The following LRRTM3 variants were observed in gnomAD, a reference collection of about 807,000 sequenced individuals.
LRRTM3 encodes leucine rich repeat transmembrane neuronal 3.
In LRRTM3, 24 loss-of-function variants were observed where a neutral mutation model predicts 44.7. That is an observed-to-expected ratio of 0.54 (90% confidence interval 0.39 to 0.76). The LOEUF (loss-of-function observed/expected upper bound fraction) is 0.76. Ranked by LOEUF, LRRTM3 falls within the 30% of genes least tolerant of loss-of-function variation. The pLI is 0.00. For synonymous variants in LRRTM3, 277 were observed against 278.7 expected (o/e 0.99, Z 0.06); for missense variants, 587 against 702.2 (o/e 0.84, Z 1.85).
intron 2 of LRRTM3, among the ~76,000 whole-genome samples, chr10:66,994,116 T>A (rs1178138743): frequency 6.6e-6 from 1 of 152,152 alleles, no homozygotes; most frequent in Non-Finnish European, 1.5e-5. Context: ...ATAAGTAGCA[T>A]TCATGTAGTA....
intron 2 of LRRTM3, among the ~76,000 whole-genome samples, chr10:67,022,340 T>G (rs1016077902): frequency 6.6e-6 from 1 of 152,224 alleles, no homozygotes; most frequent in East Asian, 1.9e-4. Context: ...CCTCTGTGTG[T>G]GTGTGTGTCT....
At chr10:67,064,635 G>A (rs1461909352) in intron 2 of LRRTM3, among the ~76,000 whole-genome samples, 3 of 152,036 alleles carry the variant, frequency 2.0e-5, no homozygotes, top group East Asian at 3.9e-4. Context: ...ATTCACAGAA[G>A]GCAAAGAAAA....
chr10:67,024,497 C>G lies in LRRTM3; in HGVS notation c.1537-73090C>G, dbSNP rs145538373. ...GTTCTGGTGATTAGGAAGTAAACAT[C>G]TTTGGTGGGTGGAGGGCATTATTTG... is the stretch of plus-strand genomic sequence containing the variant. On this transcript the variant is annotated intron_variant, in intron 2 of 2. Coordinates refer to ENST00000361320, the MANE Select transcript of LRRTM3 (RefSeq NM_178011.5). 7.5e-3 allele frequency among the ~76,000 whole-genome samples: 1,144 copies of G among 152,248 alleles called. 21 individuals are homozygous for G. The highest frequency in any genetic ancestry group is 0.027 in the African/African-American group (1,102 of 41,566).
chr10:67,024,380 C>T (rs2133084286), intron 2 of LRRTM3, among the ~76,000 whole-genome samples: 1 of 152,310 alleles, frequency 6.6e-6, no homozygotes, highest in East Asian at 1.9e-4. Flanking sequence ...CATCAGTGAG[C>T]CCACCTGGAT....
chr10:66,998,661 T>C (rs752448300), intron 2 of LRRTM3, among the ~76,000 whole-genome samples: 10 of 152,158 alleles, frequency 6.6e-5, no homozygotes, highest in Non-Finnish European at 1.0e-4. Flanking sequence ...GCAAAAAATA[T>C]AGTAATTCCA....
chr10:67,028,771 C>A (rs1260148840), intron 2 of LRRTM3, among the ~76,000 whole-genome samples: 2 of 152,018 alleles, frequency 1.3e-5, no homozygotes, highest in Non-Finnish European at 2.9e-5. Context: ...CTAGTGAAGT[C>A]ATTTTAGCAT....
intron 2 of LRRTM3, among the ~76,000 whole-genome samples, chr10:66,957,521 G>A (rs904253293): frequency 1.3e-5 from 2 of 150,622 alleles, no homozygotes; most frequent in African/African-American, 4.9e-5. Context: ...TGGGCATAGT[G>A]GGAAGGACAT....
At chr10:67,078,393 G>C (rs914425801) in intron 2 of LRRTM3, among the ~76,000 whole-genome samples, 22 of 152,072 alleles carry the variant, frequency 1.4e-4, no homozygotes, top group African/African-American at 5.3e-4. Context: ...AAATGAGAAA[G>C]AAAATGATCA....
intron 2 of LRRTM3, among the ~76,000 whole-genome samples, chr10:67,030,405 T>C (rs1027053029): frequency 2.0e-5 from 3 of 152,142 alleles, no homozygotes; most frequent in Non-Finnish European, 4.4e-5. Context: ...AGCTCACCAG[T>C]TAAAAATTTA....
intron 2 of LRRTM3, among the ~76,000 whole-genome samples, chr10:67,000,834 G>A (rs545967736): frequency 9.2e-5 from 14 of 152,168 alleles, no homozygotes; most frequent in Admixed American, 3.3e-4. Context: ...AAAAGCTAAG[G>A]CAATCTGAGA....
intron 2 of LRRTM3, among the ~76,000 whole-genome samples, chr10:67,096,176 T>C (rs940412942): frequency 1.2e-4 from 18 of 151,816 alleles, no homozygotes; most frequent in African/African-American, 3.9e-4. Flanking sequence ...TATAAGCAAA[T>C]AATCTTAAAA....
chr10:67,003,747 T>A (rs1414325405), intron 2 of LRRTM3, among the ~76,000 whole-genome samples: 1 of 152,206 alleles, frequency 6.6e-6, no homozygotes, highest in Non-Finnish European at 1.5e-5. Context: ...AGAGACTAGT[T>A]AGATTCTGGC....
chr10:67,017,719 AATC>A (rs1289423510), intron 2 of LRRTM3, among the ~76,000 whole-genome samples: 2 of 145,878 alleles, frequency 1.4e-5, no homozygotes, highest in African/African-American at 5.2e-5. Flanking sequence ...ATGTCACAAA[AATC>A]ATCTGTGTGT....
chr10:67,051,026 G>C (rs4745925), intron 2 of LRRTM3, among the ~76,000 whole-genome samples: 133,824 of 152,188 alleles, frequency 0.88, 59,053 homozygotes, highest in Admixed American at 0.94. Flanking sequence ...AAATATAAGA[G>C]ACAGTTTCTG....
intron 2 of LRRTM3, among the ~76,000 whole-genome samples, chr10:66,936,160 T>C (rs1847681885): frequency 6.6e-6 from 1 of 152,170 alleles, no homozygotes; most frequent in African/African-American, 2.4e-5. Context: ...TTTTATGGGC[T>C]TTACTCTGGT....
intron 2 of LRRTM3, among the ~76,000 whole-genome samples, chr10:67,069,710 T>C (rs1192604589): frequency 6.6e-6 from 1 of 152,080 alleles, no homozygotes; most frequent in Non-Finnish European, 1.5e-5. Flanking sequence ...TGTGTCTCAC[T>C]CAACATTATG....
intron 2 of LRRTM3, among the ~76,000 whole-genome samples, chr10:67,091,816 A>T (rs1857663109): frequency 6.6e-6 from 1 of 152,060 alleles, no homozygotes; most frequent in South Asian, 2.1e-4. Flanking sequence ...GACTTAATCT[A>T]ATAAGTATTC....
chr10:67,096,196 A>C (rs1418714929), intron 2 of LRRTM3, among the ~76,000 whole-genome samples: 1 of 151,826 alleles, frequency 6.6e-6, no homozygotes, highest in African/African-American at 2.4e-5. Context: ...AGAAGTGATT[A>C]GTTTTATTTT....
chr10:67,096,944 T>C (rs1345485423), intron 2 of LRRTM3, among the ~76,000 whole-genome samples: 2 of 151,888 alleles, frequency 1.3e-5, no homozygotes, highest in African/African-American at 2.4e-5. Flanking sequence ...CATGATAAAA[T>C]AAATATTAAG....
Sources: allele counts gnomAD v4.1 joint callset (sites outside exome capture counted in the v4.1 genomes callset), GRCh38; gene constraint gnomAD v4.1.1; transcripts MANE v1.5; gene names NCBI Gene and HGNC (gene_info 2026-07-23, HGNC 2026-07-21).